Variants in SLC17A7 observed in about 807,000 individuals in gnomAD.
SLC17A7 encodes the protein vesicular glutamate transporter 1.
In SLC17A7, 15 loss-of-function variants were observed where a neutral mutation model predicts 59.1. That is an observed-to-expected ratio of 0.25 (90% CI 0.17 to 0.39). The LOEUF (loss-of-function observed/expected upper bound fraction) is 0.39. Among genes scored for constraint, SLC17A7 ranks in the 10% least tolerant of loss-of-function variants. The pLI, the probability that SLC17A7 is intolerant of heterozygous loss-of-function variation, is 1.00. For synonymous variants in SLC17A7, 353 were observed against 308.9 expected (o/e 1.14, Z -1.50); for missense variants, 499 against 765.1 (o/e 0.65, Z 4.10).
At position 49,431,886 on chromosome 19, in the gene SLC17A7, G is replaced by A. The variant is rs183441143; in HGVS notation, c.1151-438C>T. On this transcript the variant is annotated intron_variant, in intron 9 of 11. Coordinates refer to ENST00000221485, the MANE Select transcript of SLC17A7 (RefSeq NM_020309.4). The surrounding 1 kb of genome is among the most constrained non-coding windows in gnomAD (Gnocchi z 4.6). ...ACTCCTGAGCTCAAGTGATCCACCGGCCTTCGCCTCCGAAAGTGCTGGGAT... is the reference window on the plus strand; with the variant it reads ...ACTCCTGAGCTCAAGTGATCCACCGACCTTCGCCTCCGAAAGTGCTGGGAT... 1.4e-4 allele frequency among the ~76,000 whole-genome samples: 22 copies of A among 152,124 alleles called. No homozygotes were observed. The East Asian group carries it at 4.1e-3, about 28-fold the overall frequency.
At chr19:49,434,533 A>C in intron 5 of SLC17A7, 69 bp downstream of exon 5, 1 of 1,275,516 alleles carries the variant, frequency 7.8e-7, no homozygotes, top group Non-Finnish European at 1.1e-6. Flanking sequence ...CTCCCCGCTC[A>C]GACCCAACAG....
rs2078979634 is a variant in SLC17A7 at position 49,436,422 on chromosome 19, G to A, written c.315+127C>T. ...CTAAGGGGCGCACGGATTGGGCGGAGCTATTCCGACAGCGTTTCGGAAGGG... is the reference window on the plus strand; with the variant it reads ...CTAAGGGGCGCACGGATTGGGCGGAACTATTCCGACAGCGTTTCGGAAGGG... On this transcript the variant is annotated intron_variant, in intron 2 of 11. Transcript: ENST00000221485. This position sits in a 1 kb window ranked among gnomAD's most constrained non-coding sequence, Gnocchi z 4.1. 1 of 1,282,468 alleles carries A rather than the reference G, an allele frequency of 7.8e-7. No homozygotes were observed. Among genetic ancestry groups the A allele is most frequent in the African/African-American group, 1.5e-5 (1 of 68,322 alleles). 79.4% of individuals were successfully genotyped at this position (1,282,468 alleles called of 1,614,324 possible).
At chr19:49,440,310 G>A (rs2078995332) in intron 1 of SLC17A7, among the ~76,000 whole-genome samples, 1 of 152,236 alleles carries the variant, frequency 6.6e-6, no homozygotes, top group South Asian at 2.1e-4. Context: ...CACGGCGGCA[G>A]GGGCATGGTG....
intron 1 of SLC17A7, among the ~76,000 whole-genome samples, chr19:49,440,340 C>T (rs1270136365): frequency 2.0e-5 from 3 of 152,172 alleles, no homozygotes; most frequent in Non-Finnish European, 4.4e-5. Context: ...CCATCTCCTT[C>T]GTGCACTGTG....
rs1222739785 is a variant in SLC17A7 at position 49,436,796 on chromosome 19, A to G, written c.68T>C (p.Leu23Pro). Residue 23 changes from leucine (L) to proline (P), a missense_variant, in exon 2 of 12, where the codon CTG becomes CCG. Physicochemically the swap from Leu to Pro is moderately conservative, Grantham distance 98 (BLOSUM62 -3). This residue lies in a region of SLC17A7 where 78 missense variants were observed against 80.4 expected (regional missense o/e 0.97). Coordinates refer to ENST00000221485, the MANE Select transcript of SLC17A7 (RefSeq NM_020309.4). This position sits in a 1 kb window ranked among gnomAD's most constrained non-coding sequence, Gnocchi z 4.1. ...GRALGKLHRL[L>P]EKRQEGAETL... ...CTCCGCGCCTTCCTGCCGCTTCTCC[A>G]GAAGGCTGCGGGACAGCAAGAGCCA... 3 of 1,601,138 alleles carry G rather than the reference A, an allele frequency of 1.9e-6. No individual in the cohort carries two copies. Among genetic ancestry groups the G allele is most frequent in the Non-Finnish European group, 2.5e-6 (3 of 1,179,550 alleles).
Position 49,432,634 on chromosome 19 carries a change from C to A in SLC17A7, c.1035G>T (p.Ala345=). 1.2e-6 allele frequency: 2 copies of A among 1,612,514 alleles called. No homozygotes were observed. The highest frequency in any genetic ancestry group is 1.7e-6 in the Non-Finnish European group (2 of 1,179,680). Residue 345 remains alanine (A), a synonymous_variant, in exon 9 of 12, where the codon GCG becomes GCT. Coordinates refer to ENST00000221485, the MANE Select transcript of SLC17A7 (RefSeq NM_020309.4). Reference sequence around the variant, plus strand: ...TGATGGTCATGACCAGGTGGGGCAGCGCGGACACCAGGCCTACCTGCGGGA... The same window carrying A: ...TGATGGTCATGACCAGGTGGGGCAGAGCGGACACCAGGCCTACCTGCGGGA... The part of the protein sequence containing the change: ...FEISKVGLVS[A]LPHLVMTIIV...
Position 49,434,888 on chromosome 19 carries a change from G to A in SLC17A7, c.435-6C>T. The A allele has an allele frequency of 6.2e-7, 1 of 1,609,370 alleles. No homozygotes were observed. Among genetic ancestry groups the A allele is most frequent in the South Asian group, 1.1e-5 (1 of 90,714 alleles). On this transcript the variant is annotated splice_polypyrimidine_tract_variant and splice_region_variant and intron_variant, in intron 3 of 11. Transcript: ENST00000221485. ...CAATAGCAAAGCCGAAAACTCTGAT[G>A]GGAAGGGTCAGAGAAAAGAATCCAA...
At position 49,435,163 on chromosome 19, in the gene SLC17A7, T is replaced by C; in HGVS notation, c.434+5A>G. 6.2e-7 allele frequency: 1 copy of C among 1,606,974 alleles called. No homozygotes were observed. Among genetic ancestry groups the C allele is most frequent in the Non-Finnish European group, 8.5e-7 (1 of 1,173,498 alleles). On this transcript the variant is annotated splice_donor_5th_base_variant and intron_variant, in intron 3 of 11. Transcript: ENST00000221485. Reference sequence around the variant, plus strand: ...ACCGCCCACTTTGAGACCCCACCACTGTACCTGTTGGCTGCAAATTTTTGA... The same window carrying C: ...ACCGCCCACTTTGAGACCCCACCACCGTACCTGTTGGCTGCAAATTTTTGA...
In SLC17A7 at chr19:49,431,522, TC is replaced by T; in HGVS notation, c.1151-75del. 2.4e-6 allele frequency: 3 copies of T among 1,268,900 alleles called. No homozygotes were observed. Among genetic ancestry groups the T allele is most frequent in the East Asian group, 2.4e-5 (1 of 41,282 alleles). The allele number at this position is 1,268,900 out of a possible 1,614,324, so 78.6% of individuals were successfully genotyped here. On this transcript the variant is annotated intron_variant, in intron 9 of 11. Coordinates refer to ENST00000221485, the MANE Select transcript of SLC17A7 (RefSeq NM_020309.4). This position sits in a 1 kb window ranked among gnomAD's most constrained non-coding sequence, Gnocchi z 4.6. ...GGCGCAGGCTGCCCCACACCGCCCT[TC>T]CAGACCTGCTCCAGCCCCAAACCGC...
rs528346148 is a variant in SLC17A7, at chr19:49,431,021, C to T, written c.1383G>A (p.Lys461=). 16 of 1,608,644 alleles carry T rather than the reference C, an allele frequency of 9.9e-6. No individual in the cohort carries two copies. In the East Asian group the frequency reaches 3.4e-4, roughly 34 times the overall value. The change falls in exon 11 of 12, where the codon AAG becomes AAA. Residue 461 remains lysine, a synonymous_variant. Coordinates refer to ENST00000221485, the MANE Select transcript of SLC17A7 (RefSeq NM_020309.4). The surrounding 1 kb of genome is among the most constrained non-coding windows in gnomAD (Gnocchi z 4.6). ...TCAGGACTGCGGCACCCACCTTGTG[C>T]TTAGTCATGGCCCCCACGATGATGG... ...VCPIIVGAMT[K]HKTREEWQYV...
At position 49,434,780 on chromosome 19, in the gene SLC17A7, C is replaced by T; in HGVS notation, c.537G>A (p.Gln179=). The T allele has an allele frequency of 1.2e-6, 2 of 1,614,172 alleles. No individual in the cohort carries two copies. Among genetic ancestry groups the T allele is most frequent in the African/African-American group, 1.3e-5 (1 of 75,046 alleles). The change falls in exon 4 of 12, where the codon CAG becomes CAA. Residue 179 remains glutamine (Q), a synonymous_variant. Transcript: ENST00000221485. Reference sequence around the variant, plus strand: ...GGCGGGGATTTACCTCTACCAACCCCTGCAGGATCCTCACGAAGATGACAC... The same window carrying T: ...GGCGGGGATTTACCTCTACCAACCCTTGCAGGATCCTCACGAAGATGACAC... ...YGCVIFVRIL[Q]GLVEGVTYPA...
intron 1 of SLC17A7, among the ~76,000 whole-genome samples, chr19:49,440,164 T>A (rs1372355817): frequency 6.6e-6 from 1 of 152,104 alleles, no homozygotes; most frequent in Non-Finnish European, 1.5e-5. Flanking sequence ...GGGGTAACTT[T>A]GGAGCTAAGA....
Position 49,429,784 on chromosome 19 carries a change from T to G in SLC17A7, c.*735A>C. On this transcript the variant is annotated 3_prime_UTR_variant, in exon 12 of 12. Coordinates refer to ENST00000221485, the MANE Select transcript of SLC17A7 (RefSeq NM_020309.4). ...AGTTCATGGACTGGAGCAGCCACTA[T>G]TTAGACCTGAAAACCATGTCAGAAA... is the stretch of plus-strand genomic sequence containing the variant. The G allele has an allele frequency of 2.6e-6, 1 of 391,034 alleles. No homozygotes were observed. The highest frequency in any genetic ancestry group is 4.5e-6 in the Non-Finnish European group (1 of 221,526). 24.2% of individuals were successfully genotyped at this position (391,034 alleles called of 1,614,324 possible).
In SLC17A7 at chr19:49,433,670, C is replaced by CAGGT. The variant is rs1343283418; in HGVS notation, c.867+52_867+55dup. ...AACCGTCCCTGATCTACACGCTGTG[C>CAGGT]AGGTTCGTGGCTTGCTATCTCTCCC... On this transcript the variant is annotated intron_variant, in intron 7 of 11. Transcript: ENST00000221485. The surrounding 1 kb of genome is among the most constrained non-coding windows in gnomAD (Gnocchi z 5.7). The CAGGT allele has an allele frequency of 1.2e-6, 2 of 1,610,796 alleles. No homozygotes were observed. The highest frequency in any genetic ancestry group is 2.2e-5 in the South Asian group (2 of 90,896).
In SLC17A7 at chr19:49,436,950, C is replaced by A; in HGVS notation, c.63-149G>T. 8.7e-7 allele frequency: 1 copy of A among 1,148,002 alleles called. No individual in the cohort carries two copies. Among genetic ancestry groups the A allele is most frequent in the Non-Finnish European group, 1.2e-6 (1 of 837,148 alleles). 71.1% of individuals were successfully genotyped at this position (1,148,002 alleles called of 1,614,324 possible). On this transcript the variant is annotated intron_variant, in intron 1 of 11. Transcript: ENST00000221485. This position sits in a 1 kb window ranked among gnomAD's most constrained non-coding sequence, Gnocchi z 4.1. ...TCACCAAGAGTCCAGGTCCCTGGCT[C>A]CCTTCGCCCCCCTGATCCAGAAATC...
At chr19:49,439,401 C>T (rs2122308141) in intron 1 of SLC17A7, among the ~76,000 whole-genome samples, 1 of 152,280 alleles carries the variant, frequency 6.6e-6, no homozygotes, top group East Asian at 1.9e-4. Context: ...AGAAAGGAGG[C>T]ACCTTGGGTT....
chr19:49,441,462 T>C lies in SLC17A7; in HGVS notation c.-83A>G, dbSNP rs1455417871. The C allele has an allele frequency of 5.7e-6, 6 of 1,055,982 alleles. No individual in the cohort carries two copies. The African/African-American group carries it at 2.4e-4, about 42-fold the overall frequency. 65.4% of individuals were successfully genotyped at this position (1,055,982 alleles called of 1,614,324 possible). A position where few individuals can be genotyped will look rare whatever the true frequency, so the allele number is the denominator to read the frequency against. On this transcript the variant is annotated 5_prime_UTR_variant, in exon 1 of 12. Coordinates refer to ENST00000221485, the MANE Select transcript of SLC17A7 (RefSeq NM_020309.4). ...GCGGGCCCGGGCGGCCGCGTCCGGG[T>C]TCCCGGGGTCCAGCCCCGGCCCGGC...
At position 49,436,751 on chromosome 19, in the gene SLC17A7, T is replaced by A; in HGVS notation, c.113A>T (p.Asp38Val). 13 of 1,608,870 alleles carry A rather than the reference T, an allele frequency of 8.1e-6. No individual in the cohort carries two copies. Among genetic ancestry groups the A allele is most frequent in the South Asian group, 1.1e-5 (1 of 91,068 alleles). The change falls in exon 2 of 12, where the codon GAT becomes GTT. Residue 38 changes from aspartate (D) to valine (V), a missense_variant. This residue lies in a region of SLC17A7 where 78 missense variants were observed against 80.4 expected (regional missense o/e 0.97). Coordinates refer to ENST00000221485, the MANE Select transcript of SLC17A7 (RefSeq NM_020309.4). The surrounding 1 kb of genome is among the most constrained non-coding windows in gnomAD (Gnocchi z 4.1). The stretch of plus-strand genomic sequence containing the variant: ...GGTCTGCGTGGTCACCGGGCGCCCA[T>A]CCGCACTCAGCTCCAGCGTCTCCGC... ...EGAETLELSA[D>V]GRPVTTQTRD...
chr19:49,432,712 C>G (rs1255888409), intron 8 of SLC17A7, 61 bp from the exon 9 acceptor site: 9 of 1,605,144 alleles, frequency 5.6e-6, no homozygotes, highest in South Asian at 4.4e-5. Context: ...CGTCTCTGCC[C>G]GGTCCGTGCA....
Sources: allele counts gnomAD v4.1 joint callset (sites outside exome capture counted in the v4.1 genomes callset), GRCh38; gene constraint gnomAD v4.1.1; regional missense constraint gnomAD v4.1.1; non-coding constraint Gnocchi (gnomAD v3.1); transcripts MANE v1.5; gene names NCBI Gene and HGNC (gene_info 2026-07-23, HGNC 2026-07-21).